The following HUNK variants were observed in gnomAD, a reference collection of about 807,000 sequenced individuals.
The protein encoded by HUNK is hormonally up-regulated neu tumor-associated kinase.
A neutral mutation model predicts 61.0 loss-of-function variants in HUNK; 21 were observed. The observed-to-expected ratio is 0.34, with a 90% CI of 0.24 to 0.50. The LOEUF is 0.50. Among genes scored for constraint, HUNK ranks in the 20% least tolerant of loss-of-function variants. The pLI, the probability that HUNK is intolerant of heterozygous loss-of-function variation, is 0.98. For synonymous variants in HUNK, 371 were observed against 386.1 expected (o/e 0.96, Z 0.46); for missense variants, 772 against 945.7 (o/e 0.82, Z 2.41).
chr21:31,960,587 C>T (rs1476436107), intron 5 of HUNK, among the ~76,000 whole-genome samples: 1 of 151,766 alleles, frequency 6.6e-6, no homozygotes, highest in Non-Finnish European at 1.5e-5. Context: ...CACAGTTCCA[C>T]ATGGCTGGGG....
At chr21:31,916,478 A>AT (rs923173039) in intron 1 of HUNK, among the ~76,000 whole-genome samples, 1 of 151,682 alleles carries the variant, frequency 6.6e-6, no homozygotes, top group African/African-American at 2.4e-5. Flanking sequence ...TCTACATTGG[A>AT]TTTTTTTCTC....
chr21:31,975,920 C>T (rs77454593), intron 7 of HUNK, among the ~76,000 whole-genome samples: 2,839 of 152,188 alleles, frequency 0.019, 81 homozygotes, highest in African/African-American at 0.063. Context: ...AGATGCTCCA[C>T]GGGAGGTTGG....
At chr21:31,932,056 C>A (rs1252606342) in intron 2 of HUNK, among the ~76,000 whole-genome samples, 1 of 151,784 alleles carries the variant, frequency 6.6e-6, no homozygotes, top group African/African-American at 2.4e-5. Flanking sequence ...CATGCATGCA[C>A]ACACCCACAC....
intron 2 of HUNK, among the ~76,000 whole-genome samples, chr21:31,932,490 C>G (rs1212423519): frequency 6.6e-6 from 1 of 152,088 alleles, no homozygotes; most frequent in Admixed American, 6.5e-5. Context: ...GTGGGGGAAC[C>G]TTGAATGGTT....
At chr21:31,962,178 G>A (rs9977746) in intron 5 of HUNK, among the ~76,000 whole-genome samples, 30,217 of 152,084 alleles carry the variant, frequency 0.2, 4,193 homozygotes, top group African/African-American at 0.38. Context: ...CATGGCATGC[G>A]GCTTCACCCA....
chr21:31,955,515 C>G (rs1385181623), intron 4 of HUNK, among the ~76,000 whole-genome samples: 2 of 151,888 alleles, frequency 1.3e-5, no homozygotes, highest in African/African-American at 2.4e-5. Context: ...GGCGTGAACC[C>G]GGGAGGCAGA....
chr21:31,895,174 C>T (rs1332520790), intron 1 of HUNK, among the ~76,000 whole-genome samples: 1 of 152,128 alleles, frequency 6.6e-6, no homozygotes, highest in Non-Finnish European at 1.5e-5. Flanking sequence ...GCCCAGGAGA[C>T]ACAAGACATG....
chr21:31,941,123 G>A (rs1417922689), intron 3 of HUNK, among the ~76,000 whole-genome samples: 5 of 152,168 alleles, frequency 3.3e-5, no homozygotes, highest in Non-Finnish European at 5.9e-5. Context: ...TCCCAATTCA[G>A]TACTGGGCAA....
intron 3 of HUNK, among the ~76,000 whole-genome samples, chr21:31,941,055 G>T (rs8127382): frequency 0.065 from 9,830 of 152,166 alleles, 1,062 homozygotes; most frequent in African/African-American, 0.22. Flanking sequence ...GTCATCACAA[G>T]ATTCTCCAAA....
chr21:31,919,179 T>A (rs13048992), intron 1 of HUNK, among the ~76,000 whole-genome samples: 14 of 106,610 alleles, frequency 1.3e-4, no homozygotes, highest in African/African-American at 3.1e-4. Context: ...CGGTATGAGG[T>A]TGAGGGGCTG....
intron 1 of HUNK, among the ~76,000 whole-genome samples, chr21:31,911,748 G>C (rs775039406): frequency 1.3e-5 from 2 of 151,980 alleles, no homozygotes; most frequent in African/African-American, 4.8e-5. Flanking sequence ...TTAGGGGGGC[G>C]TGTGGGGGCT....
intron 1 of HUNK, among the ~76,000 whole-genome samples, chr21:31,878,678 C>T (rs567901447): frequency 6.6e-6 from 1 of 152,258 alleles, no homozygotes; most frequent in African/African-American, 2.4e-5. Flanking sequence ...GTTCGTGATA[C>T]CTACAAGAGG....
At chr21:31,955,998 A>G (rs748649055) in intron 4 of HUNK, among the ~76,000 whole-genome samples, 57 of 152,342 alleles carry the variant, frequency 3.7e-4, no homozygotes, top group Admixed American at 7.8e-4. Context: ...TGTAGCATGG[A>G]AACATTGAAG....
At chr21:31,933,082 A>AT (rs1161528186) in intron 2 of HUNK, among the ~76,000 whole-genome samples, 3 of 151,492 alleles carry the variant, frequency 2.0e-5, no homozygotes, top group South Asian at 2.1e-4. Context: ...CACCTGGCTA[A>AT]TTTTTTTATT....
intron 5 of HUNK, among the ~76,000 whole-genome samples, chr21:31,960,438 G>A (rs762800918): frequency 2.0e-5 from 3 of 150,608 alleles, no homozygotes; most frequent in African/African-American, 7.3e-5. Context: ...TGATGTAATT[G>A]TAGATGCACA....
chr21:31,998,565 A>G lies in HUNK; in HGVS notation c.1526A>G (p.Asp509Gly), dbSNP rs2053221766. The part of the protein sequence containing the change: ...GCRNIFRKTS[D>G]SNCVASSSME... ...CGCAATATTTTCCGCAAAACCTCAG[A>G]TTCCAATTGTGTGGCTTCTTCTTCC... Residue 509 changes from aspartate to glycine, a missense_variant, in exon 11 of 11, where the codon GAT (aspartate) becomes GGT (glycine). By Grantham distance (94) the Asp-to-Gly change is moderately conservative. Around this residue, in one of 2 missense-constraint regions of HUNK, gnomAD observed 413 missense variants for 444.4 expected, o/e 0.93. Coordinates refer to ENST00000270112, the MANE Select transcript of HUNK (RefSeq NM_014586.2). The G allele has an allele frequency of 5.6e-6, 9 of 1,602,146 alleles. No individual in the cohort carries two copies. Among genetic ancestry groups the G allele is most frequent in the Non-Finnish European group, 7.7e-6 (9 of 1,176,044 alleles).
At chr21:31,905,722 A>G (rs1442226106) in intron 1 of HUNK, among the ~76,000 whole-genome samples, 1 of 152,238 alleles carries the variant, frequency 6.6e-6, no homozygotes, top group Non-Finnish European at 1.5e-5. Flanking sequence ...GACGGACACC[A>G]TAAACGCACA....
chr21:31,957,257 C>T (rs560350295), intron 4 of HUNK, among the ~76,000 whole-genome samples: 1 of 152,316 alleles, frequency 6.6e-6, no homozygotes, highest in South Asian at 2.1e-4. Flanking sequence ...TCTCTGGTCC[C>T]CAGTACCCAG....
rs3138680 is a variant in HUNK at position 31,924,286 on chromosome 21, T to G, written c.262-182T>G. Among the ~76,000 whole-genome samples the G allele has an allele frequency of 0.071, 9,791 of 138,320 alleles. 753 individuals are homozygous for G. The highest frequency in any genetic ancestry group is 0.2 in the African/African-American group (7,626 of 37,208). 90.7% of individuals were successfully genotyped at this position (138,320 alleles called of 152,430 possible). The stretch of plus-strand genomic sequence containing the variant: ...CCTATATGTGTGTGTGTGTGTGTGT[T>G]TGTGTGGTATATGCATAAATATAAA... On this transcript the variant is annotated intron_variant, in intron 1 of 10. Coordinates refer to ENST00000270112, the MANE Select transcript of HUNK (RefSeq NM_014586.2). This position sits in a 1 kb window ranked among gnomAD's most constrained non-coding sequence, Gnocchi z 5.1.
Sources: allele counts gnomAD v4.1 joint callset (sites outside exome capture counted in the v4.1 genomes callset), GRCh38; gene constraint gnomAD v4.1.1; regional missense constraint gnomAD v4.1.1; non-coding constraint Gnocchi (gnomAD v3.1); transcripts MANE v1.5; gene names NCBI Gene and HGNC (gene_info 2026-07-23, HGNC 2026-07-21).